Variants in PCDHGB6 observed in about 807,000 individuals in gnomAD.
PCDHGB6 encodes the protein protocadherin gamma subfamily B, 6, also known as protocadherin gamma-B6.
A neutral mutation model predicts 59.1 loss-of-function variants in PCDHGB6; 51 were observed. That is an observed-to-expected ratio of 0.86 (90% CI 0.69 to 1.09). The LOEUF (loss-of-function observed/expected upper bound fraction) is 1.09, where lower values mean the gene tolerates loss of function less well. Ranked by LOEUF, PCDHGB6 falls within the 50% of genes least tolerant of loss-of-function variation. The pLI is 0.00. For synonymous variants in PCDHGB6, 466 were observed against 495.1 expected (o/e 0.94, Z 0.78); for missense variants, 1,148 against 1,205.1 (o/e 0.95, Z 0.70).
At chr5:141,455,607 G>A (rs2098827849) in intron 1 of PCDHGB6, among the ~76,000 whole-genome samples, 1 of 152,248 alleles carries the variant, frequency 6.6e-6, no homozygotes, top group East Asian at 1.9e-4. Context: ...GGGCGCCATG[G>A]ATGTTCTAAA....
intron 1 of PCDHGB6, among the ~76,000 whole-genome samples, chr5:141,442,784 A>C (rs1267270442): frequency 2.0e-5 from 3 of 152,212 alleles, no homozygotes; most frequent in Non-Finnish European, 4.4e-5. Flanking sequence ...ATTATATTTT[A>C]TAATTTTACT....
intron 1 of PCDHGB6, chr5:141,475,966 A>T (rs1252698069): frequency 2.3e-6 from 2 of 888,664 alleles, no homozygotes; most frequent in Admixed American, 5.2e-5. Flanking sequence ...GGGATGAGGC[A>T]GAGACTGAAC....
At chr5:141,413,805 C>T (rs772637762) in intron 1 of PCDHGB6, 1 of 1,613,166 alleles carries the variant, frequency 6.2e-7, no homozygotes, top group South Asian at 1.1e-5. Flanking sequence ...AGGAAGAGGC[C>T]ATTCACCACC....
chr5:141,488,656 G>A (rs2099678001), intron 1 of PCDHGB6, among the ~76,000 whole-genome samples: 1 of 152,200 alleles, frequency 6.6e-6, no homozygotes, highest in African/African-American at 2.4e-5. Flanking sequence ...ATGGGGGAGG[G>A]TGGGGGAATA....
chr5:141,487,803 A>G lies in PCDHGB6; in HGVS notation c.2419-7004A>G. On this transcript the variant is annotated intron_variant, in intron 1 of 3. Transcript: ENST00000520790. The surrounding 1 kb of genome is among the most constrained non-coding windows in gnomAD (Gnocchi z 5.0). ...TTCGTGAATTAACCAGAGTTGTCAC[A>G]GTTTAGCATTGGGGGCGGGTCATGC... 2.0e-6 allele frequency: 3 copies of G among 1,466,166 alleles called. No individual in the cohort carries two copies. The highest frequency in any genetic ancestry group is 2.8e-6 in the Non-Finnish European group (3 of 1,084,448). The allele number at this position is 1,466,166 out of a possible 1,614,324, so 90.8% of individuals were successfully genotyped here. A position where few individuals can be genotyped will look rare whatever the true frequency, so the allele number is the denominator to read the frequency against.
intron 1 of PCDHGB6, among the ~76,000 whole-genome samples, chr5:141,430,346 C>G (rs1191705310): frequency 6.8e-6 from 1 of 148,074 alleles, no homozygotes; most frequent in Non-Finnish European, 1.5e-5. Context: ...ACTTCCAATT[C>G]ATTTAAAAGC....
Position 141,431,351 on chromosome 5 carries a change from C to T in PCDHGB6, c.2418+20731C>T, listed in dbSNP as rs1411192998. On this transcript the variant is annotated intron_variant, in intron 1 of 3. Coordinates refer to ENST00000520790, the MANE Select transcript of PCDHGB6 (RefSeq NM_018926.3). The surrounding 1 kb of genome is among the most constrained non-coding windows in gnomAD (Gnocchi z 4.8). ...TAAGTACCCCGAATTGGTGCTGAAACGCGCCCTGGACCGCGAAGAAAAGGC... is the reference window on the plus strand; with the variant it reads ...TAAGTACCCCGAATTGGTGCTGAAATGCGCCCTGGACCGCGAAGAAAAGGC... The T allele has an allele frequency of 1.9e-6, 3 of 1,613,946 alleles. No homozygotes were observed. Among genetic ancestry groups the T allele is most frequent in the African/African-American group, 2.7e-5 (2 of 74,938 alleles).
At chr5:141,510,824 A>G (rs947400590) in intron 3 of PCDHGB6, 123 bp from the exon 4 acceptor site, 2 of 1,563,416 alleles carry the variant, frequency 1.3e-6, no homozygotes, top group Non-Finnish European at 1.7e-6. Flanking sequence ...CTATATTCCC[A>G]GTGCTCAGCG....
At chr5:141,501,313 ACAC>A (rs2099807743) in intron 2 of PCDHGB6, among the ~76,000 whole-genome samples, 1 of 151,686 alleles carries the variant, frequency 6.6e-6, no homozygotes, top group Non-Finnish European at 1.5e-5. Context: ...ACACACACAC[ACAC>A]ACACACACAC....
At chr5:141,478,159 T>C (rs1456465606) in intron 1 of PCDHGB6, 2 of 1,614,064 alleles carry the variant, frequency 1.2e-6, no homozygotes, top group Admixed American at 1.7e-5. Flanking sequence ...CCTCTGGCTC[T>C]GCCCCCCGGG....
In PCDHGB6 at chr5:141,512,267, G is replaced by C. The variant is rs2099884152; in HGVS notation, c.*1094G>C. On this transcript the variant is annotated 3_prime_UTR_variant, in exon 4 of 4. Coordinates refer to ENST00000520790, the MANE Select transcript of PCDHGB6 (RefSeq NM_018926.3). ...GCCTCTGTGGGTGCTGGGTACTCCA[G>C]AGGTGCCACTGGTGGAAGGGTCAGC... 2.6e-5 allele frequency: 4 copies of C among 152,744 alleles called. No homozygotes were observed. Among genetic ancestry groups the C allele is most frequent in the Admixed American group, 2.6e-4 (4 of 15,290 alleles). 9.5% of individuals were successfully genotyped at this position (152,744 alleles called of 1,614,324 possible). A position where few individuals can be genotyped will look rare whatever the true frequency, so the allele number is the denominator to read the frequency against.
chr5:141,445,137 T>C (rs933188032), intron 1 of PCDHGB6, among the ~76,000 whole-genome samples: 9 of 152,248 alleles, frequency 5.9e-5, no homozygotes, highest in Admixed American at 3.3e-4. Context: ...AAATTGTATC[T>C]TCTAATTGTT....
At chr5:141,451,807 G>A (rs896081470) in intron 1 of PCDHGB6, among the ~76,000 whole-genome samples, 5 of 150,778 alleles carry the variant, frequency 3.3e-5, no homozygotes, top group African/African-American at 1.2e-4. Flanking sequence ...CTTGAACCCA[G>A]GAGGCGGAGG....
Position 141,431,794 on chromosome 5 carries a change from A to C in PCDHGB6, c.2418+21174A>C. On this transcript the variant is annotated intron_variant, in intron 1 of 3. Coordinates refer to ENST00000520790, the MANE Select transcript of PCDHGB6 (RefSeq NM_018926.3). The surrounding 1 kb of genome is among the most constrained non-coding windows in gnomAD (Gnocchi z 4.8). ...TTCTGGACGTGAACGACAATGCCCC[A>C]GAAGTGGTCCTCACCTCTCTCGCCA... 1 of 1,614,260 alleles carries C rather than the reference A, an allele frequency of 6.2e-7. No individual in the cohort carries two copies. Among genetic ancestry groups the C allele is most frequent in the Non-Finnish European group, 8.5e-7 (1 of 1,180,046 alleles).
At chr5:141,424,080 C>T (rs2096798143) in intron 1 of PCDHGB6, 1 of 970,378 alleles carries the variant, frequency 1.0e-6, no homozygotes, top group Admixed American at 6.0e-5. Context: ...AGTTATATTC[C>T]ACCATTATTT....
In PCDHGB6 at chr5:141,489,449, A is replaced by G; in HGVS notation, c.2419-5358A>G. The G allele has an allele frequency of 6.2e-7, 1 of 1,614,056 alleles. No homozygotes were observed. Among genetic ancestry groups the G allele is most frequent in the Non-Finnish European group, 8.5e-7 (1 of 1,180,016 alleles). On this transcript the variant is annotated intron_variant, in intron 1 of 3. Coordinates refer to ENST00000520790, the MANE Select transcript of PCDHGB6 (RefSeq NM_018926.3). This position sits in a 1 kb window ranked among gnomAD's most constrained non-coding sequence, Gnocchi z 4.5. ...CGGCGGCTGCAATTGGGCTCTGAGG[A>G]GAATGGGCGCTATTTTTCCCTGAGC...
intron 1 of PCDHGB6, chr5:141,423,956 A>G: frequency 1.7e-6 from 2 of 1,182,724 alleles, no homozygotes; most frequent in Non-Finnish European, 2.1e-6. Flanking sequence ...TTTTAGTATT[A>G]TTTTTCTATT....
chr5:141,427,199 A>G (rs900332017), intron 1 of PCDHGB6: 5 of 456,766 alleles, frequency 1.1e-5, no homozygotes, highest in Non-Finnish European at 2.2e-5. Context: ...AAGACTTAAT[A>G]GACTTCGAAT....
chr5:141,509,081 A>C (rs1279221589), intron 3 of PCDHGB6, among the ~76,000 whole-genome samples: 2 of 152,160 alleles, frequency 1.3e-5, no homozygotes, highest in Non-Finnish European at 2.9e-5. Flanking sequence ...GATTTGCGAC[A>C]TGAAATGGGG....
Sources: gnomAD v4.1 joint callset for allele counts (sites outside exome capture counted in the v4.1 genomes callset) on GRCh38, gnomAD v4.1.1 for gene constraint, Gnocchi (gnomAD v3.1) non-coding constraint, MANE v1.5 for transcripts, NCBI Gene and HGNC (gene_info 2026-07-23, HGNC 2026-07-21) for gene names.